BANK1: variants seen among roughly 807,000 people sequenced by gnomAD.
BANK1 encodes B-cell scaffold protein with ankyrin repeats.
Under a neutral mutation model 94.5 loss-of-function variants are expected in BANK1, and 95 were observed. The observed-to-expected ratio is 1.00, with a 90% CI of 0.85 to 1.19. The LOEUF is 1.19. Among genes scored for constraint, BANK1 ranks in the 50% most tolerant of loss-of-function variants. The pLI, the probability that BANK1 is intolerant of heterozygous loss-of-function variation, is 0.00. For synonymous variants in BANK1, 334 were observed against 308.4 expected (o/e 1.08, Z -0.87); for missense variants, 987 against 932.2 (o/e 1.06, Z -0.77).
At chr4:102,004,774 G>T (rs1273060181) in intron 7 of BANK1, among the ~76,000 whole-genome samples, 1 of 152,102 alleles carries the variant, frequency 6.6e-6, no homozygotes, top group Non-Finnish European at 1.5e-5. Context: ...AATACCTTGT[G>T]TGGCTTTAGA....
intron 2 of BANK1, among the ~76,000 whole-genome samples, chr4:101,848,891 G>A (rs1490164979): frequency 1.3e-5 from 2 of 151,964 alleles, no homozygotes; most frequent in Non-Finnish European, 2.9e-5. Flanking sequence ...TGCCCTTCTA[G>A]CATCCTCCCA....
At chr4:101,837,283 G>T (rs950264733) in intron 2 of BANK1, among the ~76,000 whole-genome samples, 22 of 152,220 alleles carry the variant, frequency 1.4e-4, no homozygotes, top group African/African-American at 4.8e-4. Context: ...ATTTATTAAG[G>T]TTTGAAAAAT....
At chr4:101,844,364 A>G (rs1275890882) in intron 2 of BANK1, among the ~76,000 whole-genome samples, 1 of 152,186 alleles carries the variant, frequency 6.6e-6, no homozygotes, top group Admixed American at 6.5e-5. Context: ...ATATGAAGGA[A>G]TGAAAGATTG....
In BANK1 at chr4:102,063,100, G is replaced by C; in HGVS notation, c.2174G>C (p.Cys725Ser). ...QQEKLRQLRDCIIGKRPEEEN... is the reference protein window; with the variant it reads ...QQEKLRQLRDSIIGKRPEEEN... ...GAGAAATTACGACAACTACGAGACT[G>C]CATTATTGGGAAAAGGCCAGAAGAA... is the stretch of plus-strand genomic sequence containing the variant. Residue 725 changes from cysteine (C) to serine (S), a missense_variant, in exon 13 of 17, where the codon TGC (cysteine) becomes TCC (serine). By Grantham distance (112) the Cys-to-Ser change is moderately radical. Transcript: ENST00000322953. The C allele has an allele frequency of 6.2e-7, 1 of 1,613,684 alleles. No individual in the cohort carries two copies. The highest frequency in any genetic ancestry group is 8.5e-7 in the Non-Finnish European group (1 of 1,179,712).
chr4:101,812,047 GT>G (rs1230483651), intron 1 of BANK1, among the ~76,000 whole-genome samples: 2 of 151,792 alleles, frequency 1.3e-5, no homozygotes, highest in Admixed American at 6.6e-5. Flanking sequence ...TAATATTGAG[GT>G]TTTTTATCAA....
intron 6 of BANK1, among the ~76,000 whole-genome samples, chr4:101,896,845 AATT>A (rs936637922): frequency 1.7e-4 from 26 of 151,956 alleles, no homozygotes; most frequent in African/African-American, 6.3e-4. Flanking sequence ...GGTCTTAAAT[AATT>A]ATAGTTGCCA....
chr4:101,831,521 G>A (rs113424976), intron 2 of BANK1, among the ~76,000 whole-genome samples: 2,686 of 152,148 alleles, frequency 0.018, 29 homozygotes, highest in Non-Finnish European at 0.026. Flanking sequence ...GTCATCCAGG[G>A]TGGAGTGCAG....
At chr4:101,956,233 C>T (rs1724332234) in intron 7 of BANK1, among the ~76,000 whole-genome samples, 1 of 152,108 alleles carries the variant, frequency 6.6e-6, no homozygotes, top group African/African-American at 2.4e-5. Flanking sequence ...CAGGCAGCCA[C>T]CTGTTGGACT....
intron 12 of BANK1, chr4:102,062,688 A>G (rs1476173048): frequency 2.2e-5 from 4 of 182,282 alleles, no homozygotes; most frequent in Non-Finnish European, 4.6e-5. Context: ...AACCATCACT[A>G]TGTAGCCCTT....
At chr4:102,016,998 T>G (rs781704809) in intron 7 of BANK1, among the ~76,000 whole-genome samples, 11 of 152,108 alleles carry the variant, frequency 7.2e-5, no homozygotes, top group Non-Finnish European at 4.4e-5. Flanking sequence ...ATAAAGATAG[T>G]TGGCCAGTGC....
intron 13 of BANK1, among the ~76,000 whole-genome samples, chr4:102,064,121 C>G (rs572655827): frequency 7.2e-5 from 11 of 152,282 alleles, no homozygotes; most frequent in Non-Finnish European, 1.3e-4. Flanking sequence ...TAAAAACTAG[C>G]AGCCACTAAA....
At chr4:102,026,444 A>G (rs1727100384) in intron 9 of BANK1, among the ~76,000 whole-genome samples, 1 of 152,152 alleles carries the variant, frequency 6.6e-6, no homozygotes, top group Non-Finnish European at 1.5e-5. Flanking sequence ...TACAAACCCC[A>G]TTTTCACTAT....
intron 7 of BANK1, among the ~76,000 whole-genome samples, chr4:101,952,091 T>C (rs1444667346): frequency 1.3e-5 from 2 of 152,062 alleles, no homozygotes; most frequent in Non-Finnish European, 2.9e-5. Flanking sequence ...CATAAATAAA[T>C]AAATAAATTG....
At chr4:101,824,666 ATTT>A (rs77304856) in intron 1 of BANK1, among the ~76,000 whole-genome samples, 1 of 142,784 alleles carries the variant, frequency 7.0e-6, no homozygotes, top group Non-Finnish European at 1.5e-5. Flanking sequence ...GCTGTAACTC[ATTT>A]TTTTTTTTTT....
intron 1 of BANK1, among the ~76,000 whole-genome samples, chr4:101,813,065 T>G (rs1467350590): frequency 6.6e-6 from 1 of 152,118 alleles, no homozygotes; most frequent in Non-Finnish European, 1.5e-5. Context: ...CCCCCCTGAA[T>G]CACCATTGAT....
At chr4:102,057,523 A>C (rs2148962373) in intron 11 of BANK1, among the ~76,000 whole-genome samples, 1 of 151,848 alleles carries the variant, frequency 6.6e-6, no homozygotes, top group Non-Finnish European at 1.5e-5. Context: ...TAGAGATGGG[A>C]TCTCTCCATG....
At chr4:101,949,451 T>G (rs2148913738) in intron 7 of BANK1, among the ~76,000 whole-genome samples, 1 of 152,224 alleles carries the variant, frequency 6.6e-6, no homozygotes, top group East Asian at 1.9e-4. Flanking sequence ...AGATACTCTC[T>G]AAGCCTTGAC....
intron 1 of BANK1, among the ~76,000 whole-genome samples, chr4:101,818,993 T>G (rs1347184882): frequency 1.3e-5 from 2 of 152,012 alleles, no homozygotes; most frequent in African/African-American, 4.8e-5. Context: ...ATTTGCTATG[T>G]ATATGCATTA....
chr4:101,983,706 T>C (rs139420540), intron 7 of BANK1, among the ~76,000 whole-genome samples: 7 of 152,170 alleles, frequency 4.6e-5, no homozygotes, highest in African/African-American at 1.7e-4. Context: ...CAAAGGATTT[T>C]TTGGAAGAAG....
Sources: gnomAD v4.1 joint callset for allele counts (sites outside exome capture counted in the v4.1 genomes callset) on GRCh38, gnomAD v4.1.1 for gene constraint, MANE v1.5 for transcripts, NCBI Gene and HGNC (gene_info 2026-07-23, HGNC 2026-07-21) for gene names.